The following PLEKHA5 variants were observed in gnomAD, a reference collection of about 807,000 sequenced individuals.
The protein encoded by PLEKHA5 is pleckstrin homology domain-containing family A member 5.
PLEKHA5 carries 55 observed loss-of-function variants against 181.9 expected under a neutral mutation model. The ratio of observed to expected loss-of-function variants is 0.30; its 90% CI spans 0.24 to 0.38. The LOEUF is 0.38. Ranked by LOEUF, PLEKHA5 falls within the 10% of genes least tolerant of loss-of-function variation. The probability of loss-of-function intolerance (pLI) is 1.00; values close to 1 mark genes in which losing one functional copy is unlikely to be tolerated. For missense variants in PLEKHA5, 1,432 were observed against 1,549.5 expected, an observed-to-expected ratio of 0.92 and a Z score of 1.27; for synonymous variants, 535 against 529.4, an observed-to-expected ratio of 1.01 and a Z score of -0.15.
chr12:19,283,859 C>T (rs1336423309), intron 12 of PLEKHA5, 114 bp downstream of exon 12: 2 of 642,488 alleles, frequency 3.1e-6, no homozygotes, highest in African/African-American at 3.7e-5. Flanking sequence ...GTAAGCAAGG[C>T]AGCTCTTTTT....
At chr12:19,210,355 G>T (rs1236266264) in intron 3 of PLEKHA5, among the ~76,000 whole-genome samples, 1 of 152,164 alleles carries the variant, frequency 6.6e-6, no homozygotes, top group Non-Finnish European at 1.5e-5. Context: ...AGGTAACAAA[G>T]ACTGTAAATC....
chr12:19,247,188 T>C (rs1375567750), intron 3 of PLEKHA5, among the ~76,000 whole-genome samples: 1 of 152,196 alleles, frequency 6.6e-6, no homozygotes, highest in African/African-American at 2.4e-5. Context: ...GCTTCCCCCG[T>C]TTTCAGAGTG....
At position 19,274,787 on chromosome 12, in the gene PLEKHA5, A is replaced by G. The variant is rs1161272901; in HGVS notation, c.1117A>G (p.Arg373Gly). The G allele has an allele frequency of 6.2e-7, 1 of 1,614,222 alleles. No individual in the cohort carries two copies. The highest frequency in any genetic ancestry group is 8.5e-7 in the Non-Finnish European group (1 of 1,180,026). Residue 373 changes from arginine (R) to glycine (G), a missense_variant, in exon 11 of 32, where the codon AGA becomes GGA. Coordinates refer to ENST00000429027, the MANE Select transcript of PLEKHA5 (RefSeq NM_001256470.2). ...ATGCCCTGCTCAGACTGTGCACTAC[A>G]GACCAATCAACTTGAGCAGTTCAGA... ...SACPAQTVHY[R>G]PINLSSSENK...
At chr12:19,172,955 A>G (rs553986909) in intron 3 of PLEKHA5, among the ~76,000 whole-genome samples, 40 of 81,846 alleles carry the variant, frequency 4.9e-4, no homozygotes, top group African/African-American at 1.3e-3. Flanking sequence ...ATAGAATGGG[A>G]AAAAAGTTGT....
At chr12:19,187,876 TTA>T (rs1176721656) in intron 3 of PLEKHA5, among the ~76,000 whole-genome samples, 1 of 152,260 alleles carries the variant, frequency 6.6e-6, no homozygotes, top group Non-Finnish European at 1.5e-5. Flanking sequence ...CTGTTTCAAT[TTA>T]TGTTTCTTTC....
intron 15 of PLEKHA5, 69 bp downstream of exon 15, chr12:19,291,766 A>G (rs2078515606): frequency 2.5e-6 from 2 of 795,962 alleles, no homozygotes; most frequent in Non-Finnish European, 2.0e-6. Flanking sequence ...ACAGTTTTTC[A>G]GGCTTCTCAG....
At position 19,376,297 on chromosome 12, in the gene PLEKHA5, T is replaced by C. The variant is rs1233263479; in HGVS notation, c.*778T>C. The C allele has an allele frequency of 6.6e-6, 1 of 152,648 alleles. No homozygotes were observed. The highest frequency in any genetic ancestry group is 1.9e-4 in the East Asian group (1 of 5,202). 9.5% of individuals were successfully genotyped at this position (152,648 alleles called of 1,614,324 possible). A position where few individuals can be genotyped will look rare whatever the true frequency, so the allele number is the denominator to read the frequency against. On this transcript the variant is annotated 3_prime_UTR_variant, in exon 32 of 32. Transcript: ENST00000429027. ...TGTTCATTGTGTATATATTATACAA[T>C]GAGCACATGTAATGTATTAAAGGCT... is the stretch of plus-strand genomic sequence containing the variant.
chr12:19,229,536 C>T (rs530262450), intron 3 of PLEKHA5, among the ~76,000 whole-genome samples: 12 of 151,820 alleles, frequency 7.9e-5, no homozygotes, highest in Admixed American at 2.0e-4. Context: ...TCATTCCTCC[C>T]GGTGGGTTTG....
intron 25 of PLEKHA5, among the ~76,000 whole-genome samples, 163 bp from the exon 26 acceptor site, chr12:19,353,721 A>C (rs962235329): frequency 6.6e-6 from 1 of 152,190 alleles, no homozygotes; most frequent in South Asian, 2.1e-4. Context: ...GGCCTCCCAA[A>C]GTGCTGGGAT....
chr12:19,230,697 A>G (rs923315149), intron 3 of PLEKHA5, among the ~76,000 whole-genome samples: 9 of 152,046 alleles, frequency 5.9e-5, no homozygotes, highest in African/African-American at 2.2e-4. Context: ...GCGCTGGCCC[A>G]CAAGCGCTAC....
intron 3 of PLEKHA5, among the ~76,000 whole-genome samples, chr12:19,229,568 T>C (rs921474278): frequency 1.4e-4 from 22 of 151,768 alleles, no homozygotes; most frequent in African/African-American, 5.3e-4. Flanking sequence ...GCCTCAGGAG[T>C]GAAGCTACAG....
chr12:19,131,422 C>T (rs1164430736), intron 2 of PLEKHA5, among the ~76,000 whole-genome samples: 1 of 152,190 alleles, frequency 6.6e-6, no homozygotes, highest in African/African-American at 2.4e-5. Context: ...TATCATGTTT[C>T]TCAATTCCCC....
intron 3 of PLEKHA5, among the ~76,000 whole-genome samples, chr12:19,250,680 TTTTA>T (rs1161766769): frequency 6.6e-6 from 1 of 152,250 alleles, no homozygotes; most frequent in Non-Finnish European, 1.5e-5. Context: ...AAATACTTTT[TTTTA>T]TTCTCGGTTT....
intron 3 of PLEKHA5, among the ~76,000 whole-genome samples, chr12:19,218,842 A>G (rs1592103106): frequency 6.7e-6 from 1 of 149,986 alleles, no homozygotes; most frequent in East Asian, 1.9e-4. Flanking sequence ...GTTCTGTTAC[A>G]TTTTCCTCTA....
intron 22 of PLEKHA5, among the ~76,000 whole-genome samples, chr12:19,344,981 G>A (rs2094210849): frequency 6.6e-6 from 1 of 151,624 alleles, no homozygotes; most frequent in South Asian, 2.1e-4. Flanking sequence ...AATTGGCCAG[G>A]TGTGGTGGTA....
chr12:19,368,103 T>C (rs1242572714), intron 30 of PLEKHA5, among the ~76,000 whole-genome samples: 1 of 152,126 alleles, frequency 6.6e-6, no homozygotes, highest in Non-Finnish European at 1.5e-5. Flanking sequence ...TTATTTAATT[T>C]ACTTATTTAA....
intron 11 of PLEKHA5, among the ~76,000 whole-genome samples, chr12:19,279,160 C>T (rs1215309980): frequency 6.6e-6 from 1 of 152,006 alleles, no homozygotes; most frequent in East Asian, 1.9e-4. Flanking sequence ...ATTTTTAATA[C>T]CTTTTTATTT....
intron 3 of PLEKHA5, among the ~76,000 whole-genome samples, chr12:19,245,975 CTT>C (rs765435105): frequency 2.9e-5 from 4 of 136,962 alleles, no homozygotes; most frequent in Non-Finnish European, 1.6e-5. Flanking sequence ...CATTTACTGC[CTT>C]TTTTTTTTTT....
chr12:19,327,083 G>A (rs1012705565), intron 20 of PLEKHA5, among the ~76,000 whole-genome samples: 4 of 152,088 alleles, frequency 2.6e-5, no homozygotes, highest in Non-Finnish European at 5.9e-5. Context: ...TATACTTTTG[G>A]ATATATACCC....
Sources: allele counts gnomAD v4.1 joint callset (sites outside exome capture counted in the v4.1 genomes callset), GRCh38; gene constraint gnomAD v4.1.1; transcripts MANE v1.5; gene names NCBI Gene and HGNC (gene_info 2026-07-23, HGNC 2026-07-21).